The following LINGO2 variants were observed in gnomAD, a reference collection of about 807,000 sequenced individuals.
LINGO2 encodes leucine-rich repeat and immunoglobulin-like domain-containing nogo receptor-interacting protein 2.
A neutral mutation model predicts 30.6 loss-of-function variants in LINGO2; 14 were observed. The observed-to-expected ratio is 0.46, with a 90% CI of 0.30 to 0.72. LINGO2 has a LOEUF of 0.72. Among genes scored for constraint, LINGO2 ranks in the 30% least tolerant of loss-of-function variants. The pLI is 0.07. For synonymous variants in LINGO2, 317 were observed against 288.5 expected (o/e 1.10, Z -1.00); for missense variants, 729 against 751.7 (o/e 0.97, Z 0.35).
chr9:28,259,567 G>A (rs767484058), intron 4 of LINGO2, among the ~76,000 whole-genome samples: 16 of 151,760 alleles, frequency 1.1e-4, no homozygotes, highest in Non-Finnish European at 1.9e-4. Flanking sequence ...GAAATACAGG[G>A]AAGAAGAGAG....
intron 1 of LINGO2, among the ~76,000 whole-genome samples, chr9:28,590,562 C>T (rs944814315): frequency 1.3e-5 from 2 of 152,086 alleles, no homozygotes; most frequent in African/African-American, 2.4e-5. Context: ...AAAAAATGCT[C>T]ATCATCACTG....
intron 4 of LINGO2, among the ~76,000 whole-genome samples, chr9:28,186,594 G>C (rs762459163): frequency 5.9e-5 from 9 of 151,968 alleles, no homozygotes; most frequent in Admixed American, 3.9e-4. Context: ...GGAGAGAGAG[G>C]GGACGTGTGG....
At chr9:28,882,581 T>C in the LINGO2 span, among the ~76,000 whole-genome samples, 1 of 152,154 alleles carries the variant, frequency 6.6e-6, no homozygotes, top group African/African-American at 2.4e-5. Context: ...ACTAGAAATA[T>C]TTCAGAAAAT....
At chr9:28,232,542 A>C (rs751574725) in intron 4 of LINGO2, among the ~76,000 whole-genome samples, 3 of 152,104 alleles carry the variant, frequency 2.0e-5, no homozygotes, top group Admixed American at 6.5e-5. Flanking sequence ...ATATGTAAAC[A>C]TTGTGAAATG....
the LINGO2 span, among the ~76,000 whole-genome samples, chr9:28,906,312 C>T: frequency 1.3e-5 from 2 of 151,706 alleles, no homozygotes; most frequent in East Asian, 1.9e-4. Context: ...GTGATCACTA[C>T]AAAAAGTAAG....
the LINGO2 span, among the ~76,000 whole-genome samples, chr9:29,021,737 G>GAAGA: frequency 6.7e-6 from 1 of 149,846 alleles, no homozygotes; most frequent in African/African-American, 2.5e-5. Context: ...AGGAAGGAAG[G>GAAGA]AAGGAAGGAA....
At chr9:28,172,022 AAAAAAAAAAAAC>A (rs1313633258) in intron 4 of LINGO2, among the ~76,000 whole-genome samples, 1 of 89,222 alleles carries the variant, frequency 1.1e-5, no homozygotes, top group Non-Finnish European at 2.1e-5. Context: ...GTCTCAAAAA[AAAAAAAAAAAAC>A]AAAAAAAAAA....
At chr9:28,532,764 TG>T (rs1348897765) in intron 1 of LINGO2, among the ~76,000 whole-genome samples, 1 of 152,030 alleles carries the variant, frequency 6.6e-6, no homozygotes, top group Non-Finnish European at 1.5e-5. Context: ...TGTGGAGGAT[TG>T]GGGACCAGGT....
At chr9:28,562,662 G>T (rs759154584) in intron 1 of LINGO2, among the ~76,000 whole-genome samples, 1 of 151,808 alleles carries the variant, frequency 6.6e-6, no homozygotes, top group African/African-American at 2.4e-5. Context: ...GATGAGGTGA[G>T]CCTCTTTCTG....
chr9:28,858,987 C>A, the LINGO2 span, among the ~76,000 whole-genome samples: 1 of 151,886 alleles, frequency 6.6e-6, no homozygotes, highest in Non-Finnish European at 1.5e-5. Context: ...TCATAATATA[C>A]AGCAGAGATT....
chr9:28,480,910 C>T (rs1031139174), intron 1 of LINGO2, among the ~76,000 whole-genome samples: 3 of 152,146 alleles, frequency 2.0e-5, no homozygotes, highest in Non-Finnish European at 4.4e-5. Context: ...TTGCCCCTTA[C>T]TGCAACAATT....
rs574795424 is a variant in LINGO2 at position 28,474,487 on chromosome 9, T to A, written c.-279+1453A>T. 7.9e-5 allele frequency among the ~76,000 whole-genome samples: 12 copies of A among 152,278 alleles called. 1 individual carries two copies. The South Asian group carries it at 2.5e-3, about 32-fold the overall frequency. ...GAAGTCTAGATGTCTTATAAATCAA[T>A]GTAGAATAAGTCATTTCTACAGGCT... On this transcript the variant is annotated intron_variant, in intron 2 of 5. Coordinates refer to ENST00000379992, the Ensembl canonical transcript of LINGO2.
the LINGO2 span, among the ~76,000 whole-genome samples, chr9:29,193,036 A>T: frequency 6.6e-6 from 1 of 152,174 alleles, no homozygotes; most frequent in Non-Finnish European, 1.5e-5. Context: ...TCTTTCAGTA[A>T]TTCTCAGAAG....
chr9:28,391,789 T>G (rs1242480357), intron 2 of LINGO2, among the ~76,000 whole-genome samples: 5 of 152,198 alleles, frequency 3.3e-5, no homozygotes, highest in Non-Finnish European at 7.3e-5. Flanking sequence ...ACCTAATTTA[T>G]TTATACAACA....
chr9:29,111,259 C>G, the LINGO2 span, among the ~76,000 whole-genome samples: 2 of 152,072 alleles, frequency 1.3e-5, no homozygotes, highest in East Asian at 1.9e-4. Flanking sequence ...AATCACTGTA[C>G]CATGTTTTAA....
At chr9:28,612,848 T>C (rs1189434203) in intron 1 of LINGO2, among the ~76,000 whole-genome samples, 1 of 151,946 alleles carries the variant, frequency 6.6e-6, no homozygotes, top group Non-Finnish European at 1.5e-5. Context: ...AGCCAGGGGG[T>C]GAAATGATAT....
At chr9:29,107,340 G>T in the LINGO2 span, among the ~76,000 whole-genome samples, 1 of 151,998 alleles carries the variant, frequency 6.6e-6, no homozygotes, top group African/African-American at 2.4e-5. Flanking sequence ...TAATATTTTT[G>T]TACTTTGAAT....
chr9:29,162,335 T>C, the LINGO2 span, among the ~76,000 whole-genome samples: 1 of 152,228 alleles, frequency 6.6e-6, no homozygotes, highest in East Asian at 1.9e-4. Context: ...ATGAATATAT[T>C]TCAATAGACA....
At chr9:28,775,141 G>A in the LINGO2 span, among the ~76,000 whole-genome samples, 4 of 152,156 alleles carry the variant, frequency 2.6e-5, no homozygotes, top group African/African-American at 9.6e-5. Context: ...TGCCTTAGAG[G>A]AGAAGCTTTG....
Sources: allele counts gnomAD v4.1 joint callset (sites outside exome capture counted in the v4.1 genomes callset), GRCh38; gene constraint gnomAD v4.1.1; transcripts MANE v1.5; gene names NCBI Gene and HGNC (gene_info 2026-07-23, HGNC 2026-07-21).